The following TSC22D1 variants were observed in gnomAD, a reference collection of about 807,000 sequenced individuals.
TSC22D1 encodes the protein TSC22 domain family member 1, also known as TSC22 domain family protein 1.
A neutral mutation model predicts 74.2 loss-of-function variants in TSC22D1; 9 were observed. The ratio of observed to expected loss-of-function variants is 0.12; its 90% CI spans 0.07 to 0.21. The LOEUF (loss-of-function observed/expected upper bound fraction) is 0.21. Among genes scored for constraint, TSC22D1 ranks in the 10% least tolerant of loss-of-function variants. The pLI, the probability that TSC22D1 is intolerant of heterozygous loss-of-function variation, is 1.00. For synonymous variants in TSC22D1, 586 were observed against 492.5 expected (o/e 1.19, Z -2.51); for missense variants, 1,427 against 1,304.7 (o/e 1.09, Z -1.44).
At chr13:44,495,827 C>A (rs1294696798) in intron 1 of TSC22D1, among the ~76,000 whole-genome samples, 1 of 152,164 alleles carries the variant, frequency 6.6e-6, no homozygotes, top group African/African-American at 2.4e-5. Flanking sequence ...AAGTTGGACA[C>A]CTTAACATAT....
intron 1 of TSC22D1, chr13:44,538,096 C>A: frequency 5.1e-6 from 5 of 985,320 alleles, no homozygotes; most frequent in Non-Finnish European, 6.0e-6. Flanking sequence ...TATTCCTTCA[C>A]ACCTACAGGC....
chr13:44,453,649 T>C (rs1385323625), intron 1 of TSC22D1, among the ~76,000 whole-genome samples: 1 of 152,184 alleles, frequency 6.6e-6, no homozygotes, highest in African/African-American at 2.4e-5. Context: ...CTCAATAATC[T>C]AGCAGAACCA....
At chr13:44,461,518 A>C (rs1876996403) in intron 1 of TSC22D1, among the ~76,000 whole-genome samples, 1 of 152,174 alleles carries the variant, frequency 6.6e-6, no homozygotes. Context: ...TTCACCAAGG[A>C]ATTTTCTCCT....
upstream of TSC22D1, chr13:44,576,996 C>A (rs1267480991): frequency 6.6e-6 from 1 of 152,582 alleles, no homozygotes; most frequent in Non-Finnish European, 1.5e-5. Flanking sequence ...GCGGGACGTG[C>A]GCTAGGGCGG....
intron 1 of TSC22D1, among the ~76,000 whole-genome samples, chr13:44,495,987 ACTT>A (rs765207100): frequency 7.9e-4 from 120 of 152,330 alleles, no homozygotes; most frequent in Non-Finnish European, 1.5e-3. Flanking sequence ...GATAAATTGA[ACTT>A]CATCAAAATT....
chr13:44,465,447 T>G (rs1877221540), intron 1 of TSC22D1, among the ~76,000 whole-genome samples: 1 of 152,162 alleles, frequency 6.6e-6, no homozygotes, highest in African/African-American at 2.4e-5. Flanking sequence ...TTCAGAATCA[T>G]GTAGGAAGCT....
chr13:44,517,857 ATTTTTTTTT>A (rs71070912), intron 1 of TSC22D1, among the ~76,000 whole-genome samples: 1 of 16,178 alleles, frequency 6.2e-5, no homozygotes, highest in African/African-American at 1.8e-4. Context: ...ATATATATAT[ATTTTTTTTT>A]TTTTTTTTTT....
chr13:44,499,944 A>G (rs564939979), intron 1 of TSC22D1, among the ~76,000 whole-genome samples: 40 of 151,940 alleles, frequency 2.6e-4, no homozygotes, highest in African/African-American at 9.6e-4. Flanking sequence ...AAAATTAGCC[A>G]GGCGTGGTGG....
At chr13:44,436,504 C>G (rs1874646837) in intron 1 of TSC22D1, 2 of 1,612,756 alleles carry the variant, frequency 1.2e-6, no homozygotes, top group Non-Finnish European at 1.7e-6. Context: ...CGACATTTAC[C>G]TATTATCAAG....
intron 1 of TSC22D1, among the ~76,000 whole-genome samples, chr13:44,480,098 A>G (rs1052537979): frequency 6.6e-6 from 1 of 151,784 alleles, no homozygotes; most frequent in African/African-American, 2.4e-5. Context: ...ATAAGTTTGG[A>G]TCTTTTTTTT....
At position 44,497,541 on chromosome 13, in the gene TSC22D1, T is replaced by C. The variant is rs192362902; in HGVS notation, c.2913-61446A>G. 3.7e-4 allele frequency among the ~76,000 whole-genome samples: 57 copies of C among 152,294 alleles called. No individual in the cohort carries two copies. The East Asian group carries it at 0.011, about 29-fold the overall frequency. ...TCTTATGTTGTTTATAAATTAAATG[T>C]CACCTCAATTTAAAAAGGAAACAAG... On this transcript the variant is annotated intron_variant, in intron 1 of 2. Coordinates refer to ENST00000458659, the MANE Select transcript of TSC22D1 (RefSeq NM_183422.4).
At position 44,575,128 on chromosome 13, in the gene TSC22D1, A is replaced by G; in HGVS notation, c.947T>C (p.Val316Ala). 6.2e-7 allele frequency: 1 copy of G among 1,614,226 alleles called. No homozygotes were observed. Among genetic ancestry groups the G allele is most frequent in the South Asian group, 1.1e-5 (1 of 91,084 alleles). Residue 316 changes from valine to alanine, a missense_variant, in exon 1 of 3, where the codon GTT (valine) becomes GCT (alanine). This residue lies in a region of TSC22D1 where 1,343 missense variants were observed against 1,191.5 expected (regional missense o/e 1.13). Coordinates refer to ENST00000458659, the MANE Select transcript of TSC22D1 (RefSeq NM_183422.4). ...SVTGTSTVNNVNITAVGSFNP... is the reference protein window; with the variant it reads ...SVTGTSTVNNANITAVGSFNP... ...AAAACTACCCACAGCAGTAATGTTA[A>G]CATTATTTACTGTACTAGTGCCAGT...
chr13:44,481,539 G>A (rs933604465), intron 1 of TSC22D1, among the ~76,000 whole-genome samples: 3 of 152,204 alleles, frequency 2.0e-5, no homozygotes, highest in African/African-American at 4.8e-5. Context: ...CTCAGTCAGT[G>A]TAATAACTGT....
rs151288300 is a variant in TSC22D1 at position 44,436,662 on chromosome 13, AAG to A, written c.2913-569_2913-568del. ...AGCCAAAAACACCCTCGTGGAAAAAAAGAGGGAACACCAGCAGCCTTGTATAA... is the reference window on the plus strand; with the variant it reads ...AGCCAAAAACACCCTCGTGGAAAAAAAGGGAACACCAGCAGCCTTGTATAA... On this transcript the variant is annotated intron_variant, in intron 1 of 2. Coordinates refer to ENST00000458659, the MANE Select transcript of TSC22D1 (RefSeq NM_183422.4). 130 of 1,599,892 alleles carry A rather than the reference AAG, an allele frequency of 8.1e-5. No homozygotes were observed. In the East Asian group the frequency reaches 2.7e-3, roughly 33 times the overall value.
intron 1 of TSC22D1, among the ~76,000 whole-genome samples, chr13:44,570,877 A>C (rs149803400): frequency 1.5e-3 from 231 of 152,344 alleles, no homozygotes; most frequent in African/African-American, 4.8e-3. Flanking sequence ...AGTTATTCTT[A>C]AATTATCTTC....
At chr13:44,550,148 G>C (rs1161437365) in intron 1 of TSC22D1, among the ~76,000 whole-genome samples, 1 of 152,112 alleles carries the variant, frequency 6.6e-6, no homozygotes, top group Non-Finnish European at 1.5e-5. Context: ...AATATGCTTT[G>C]ATTTAAAAAG....
At chr13:44,523,268 T>C (rs1880399615) in intron 1 of TSC22D1, among the ~76,000 whole-genome samples, 1 of 152,190 alleles carries the variant, frequency 6.6e-6, no homozygotes, top group Non-Finnish European at 1.5e-5. Context: ...ACAGGCTTAC[T>C]ACATGACTCA....
At chr13:44,509,950 C>CAAAAAAAAAAAAAAAAAAAAAACAAAA in intron 1 of TSC22D1, among the ~76,000 whole-genome samples, 3 of 51,424 alleles carry the variant, frequency 5.8e-5, no homozygotes, top group Non-Finnish European at 1.1e-4. Flanking sequence ...AGAAAATAAG[C>CAAAAAAAAAAAAAAAAAAAAAACAAAA]AAAAAAAAAA....
At chr13:44,463,364 C>T (rs1376414519) in intron 1 of TSC22D1, among the ~76,000 whole-genome samples, 2 of 152,204 alleles carry the variant, frequency 1.3e-5, no homozygotes, top group African/African-American at 4.8e-5. Context: ...AAGCTTCTCA[C>T]ATATCTGTAT....
Sources: gnomAD v4.1 joint callset for allele counts (sites outside exome capture counted in the v4.1 genomes callset) on GRCh38, gnomAD v4.1.1 for gene constraint, gnomAD v4.1.1 regional missense constraint, MANE v1.5 for transcripts, NCBI Gene and HGNC (gene_info 2026-07-23, HGNC 2026-07-21) for gene names.